Variants in TRO observed in about 807,000 individuals in gnomAD.
TRO encodes trophinin, also known as MAGE superfamily protein.
Under a neutral mutation model 42.3 loss-of-function variants are expected in TRO, and 29 were observed. That is an observed-to-expected ratio of 0.68 (90% CI 0.51 to 0.93). The LOEUF (loss-of-function observed/expected upper bound fraction) is 0.93, where lower values mean the gene tolerates loss of function less well. TRO is among the 40% of genes least tolerant of loss of function. The pLI is 0.00. For synonymous variants in TRO, 384 were observed against 425.2 expected (o/e 0.90, Z 1.19); for missense variants, 963 against 1,127.7 (o/e 0.85, Z 2.09).
In TRO at chrX:54,929,406, C is replaced by G. The variant is rs1932913178; in HGVS notation, c.2682C>G (p.Ser894Arg). ...GCACTGGCTTTGGAGGCATACTCAG[C>G]ACCAGTGTCTGTTTTGGTGGCTCTC... is the stretch of plus-strand genomic sequence containing the variant. ...STSTGFGGIL[S>R]TSVCFGGSPS... Residue 894 changes from serine to arginine, a missense_variant, in exon 12 of 13, where the codon AGC (serine) becomes AGG (arginine). Around this residue, in one of 2 missense-constraint regions of TRO, gnomAD observed 641 missense variants for 811.3 expected, o/e 0.79. Transcript: ENST00000173898. 1 of 1,211,075 alleles carries G rather than the reference C, an allele frequency of 8.3e-7. No homozygotes were observed. The highest frequency in any genetic ancestry group is 1.7e-5 in the African/African-American group (1 of 57,445).
At position 54,930,536 on chromosome X, in the gene TRO, G is replaced by A. The variant is rs375383483; in HGVS notation, c.3812G>A (p.Gly1271Asp). ...CTGGGCACCAGTGCTGGCTTCAGTG[G>A]CGGACTGGGCACCAGTGCTGGCTTT... ...GGLGTSAGFS[G>D]GLGTSAGFGG... The change falls in exon 12 of 13, where the codon GGC (glycine) becomes GAC (aspartate). Residue 1271 changes from glycine (G) to aspartate (D), a missense_variant. By Grantham distance (94) the Gly-to-Asp change is moderately conservative. This residue lies in a region of TRO where 641 missense variants were observed against 811.3 expected (regional missense o/e 0.79). Coordinates refer to ENST00000173898, the MANE Select transcript of TRO (RefSeq NM_001039705.3). 4 of 1,211,837 alleles carry A rather than the reference G, an allele frequency of 3.3e-6. No homozygotes were observed. Among genetic ancestry groups the A allele is most frequent in the Non-Finnish European group, 4.5e-6 (4 of 895,417 alleles).
chrX:54,928,201 T>G (rs1046722584), intron 11 of TRO, among the ~76,000 whole-genome samples: 1 of 111,541 alleles, frequency 9.0e-6, no homozygotes, highest in African/African-American at 3.3e-5. Flanking sequence ...TCTCTTCTTA[T>G]AAGGACACTA....
In TRO at chrX:54,930,849, T is replaced by G. The variant is rs369548468; in HGVS notation, c.4125T>G (p.Val1375=). The change falls in exon 12 of 13, where the codon GTT becomes GTG. Residue 1375 remains valine, a synonymous_variant. Coordinates refer to ENST00000173898, the MANE Select transcript of TRO (RefSeq NM_001039705.3). ...VGFSGGPSTG[V]GFCSGPSTSG... is the part of the protein sequence containing the mutation. ...TCAGCGGTGGACCAAGCACTGGTGTTGGCTTCTGCAGTGGACCAAGCACCA... is the reference window on the plus strand; with the variant it reads ...TCAGCGGTGGACCAAGCACTGGTGTGGGCTTCTGCAGTGGACCAAGCACCA... 30 of 1,209,788 alleles carry G rather than the reference T, an allele frequency of 2.5e-5. No individual in the cohort carries two copies. The African/African-American group carries it at 4.5e-4, about 18-fold the overall frequency.
chrX:54,925,970 G>A (rs1011085732), intron 7 of TRO, among the ~76,000 whole-genome samples: 3 of 111,971 alleles, frequency 2.7e-5, no homozygotes, highest in Non-Finnish European at 5.6e-5. Flanking sequence ...TGCCTCTTCC[G>A]ATGGAGTGCC....
intron 9 of TRO, 158 bp downstream of exon 9, chrX:54,926,783 G>A (rs1038917742): frequency 7.4e-6 from 6 of 809,171 alleles, no homozygotes; most frequent in African/African-American, 2.1e-5. Flanking sequence ...ACGGGCAAAT[G>A]GTCCTGAACT....
At chrX:54,927,829 C>T in intron 11 of TRO, 48 bp downstream of exon 11, 1 of 1,092,825 alleles carries the variant, frequency 9.2e-7, no homozygotes, top group Non-Finnish European at 1.3e-6. Flanking sequence ...AATGGGATAC[C>T]CTTGGCTGGG....
rs752148192 is a variant in TRO, at chrX:54,930,085, G to C, written c.3361G>C (p.Gly1121Arg). The change falls in exon 12 of 13, where the codon GGT becomes CGT. Residue 1121 changes from glycine (G) to arginine (R), a missense_variant. This residue lies in a region of TRO where 641 missense variants were observed against 811.3 expected (regional missense o/e 0.79). Coordinates refer to ENST00000173898, the MANE Select transcript of TRO (RefSeq NM_001039705.3). The part of the protein sequence containing the change: ...GALSTAADFG[G>R]TPSNSIGFGA... ...ACTTAGTACCGCTGCTGACTTCGGTGGTACTCCCAGCAACAGCATTGGCTT... is the reference window on the plus strand; with the variant it reads ...ACTTAGTACCGCTGCTGACTTCGGTCGTACTCCCAGCAACAGCATTGGCTT... 1.7e-6 allele frequency: 2 copies of C among 1,209,410 alleles called. No individual in the cohort carries two copies. Among genetic ancestry groups the C allele is most frequent in the Admixed American group, 2.2e-5 (1 of 45,843 alleles).
rs763510252 is a variant in TRO at position 54,925,680 on chromosome X, G to C, written c.1574G>C (p.Gly525Ala). The change falls in exon 7 of 13, where the codon GGA becomes GCA. Residue 525 changes from glycine (G) to alanine (A), a missense_variant. By Grantham distance (60) the Gly-to-Ala change is moderately conservative. Around this residue, in one of 2 missense-constraint regions of TRO, gnomAD observed 641 missense variants for 811.3 expected, o/e 0.79. Coordinates refer to ENST00000173898, the MANE Select transcript of TRO (RefSeq NM_001039705.3). Reference sequence around the variant, plus strand: ...CAGGAATCCTCTGCAGGCATACTGGGAACGTAAGCTGGGAAAGGGCTGGAG... The same window carrying C: ...CAGGAATCCTCTGCAGGCATACTGGCAACGTAAGCTGGGAAAGGGCTGGAG... ...STQESSAGIL[G>A]TTKDTPKLGL... The C allele has an allele frequency of 1.7e-5, 20 of 1,202,241 alleles. No homozygotes were observed. The South Asian group carries it at 2.8e-4, about 17-fold the overall frequency.
rs1328636728 is a variant in TRO at position 54,926,497 on chromosome X, G to A, written c.1657+8G>A. The A allele has an allele frequency of 2.5e-6, 3 of 1,210,464 alleles. No homozygotes were observed. The highest frequency in any genetic ancestry group is 3.4e-6 in the Non-Finnish European group (3 of 895,259). On this transcript the variant is annotated splice_region_variant and intron_variant, in intron 8 of 12. Coordinates refer to ENST00000173898, the MANE Select transcript of TRO (RefSeq NM_001039705.3). ...GCAACAAGGCCAGTGAGGGTGAGTG[G>A]CTGGGCATGCAGCTGAATGGGCGGC...
rs1932769765 is a variant in TRO at position 54,926,614 on chromosome X, G to A, written c.1689G>A (p.Gly563=). 1 of 1,210,049 alleles carries A rather than the reference G, an allele frequency of 8.3e-7. No homozygotes were observed. The highest frequency in any genetic ancestry group is 1.1e-6 in the Non-Finnish European group (1 of 895,318). The change falls in exon 9 of 13, where the codon GGG becomes GGA. Residue 563 remains glycine (G), a synonymous_variant. Coordinates refer to ENST00000173898, the MANE Select transcript of TRO (RefSeq NM_001039705.3). ...TCTGGGAGGTGCTGCGCAAGTTGGG[G>A]CTGCGCCCTGGGTATGACTGGGCTC... ...AVIWEVLRKL[G]LRPGVRHSLF...
chrX:54,924,122 A>G (rs1833103752), intron 3 of TRO, among the ~76,000 whole-genome samples: 2 of 112,242 alleles, frequency 1.8e-5, no homozygotes, highest in Admixed American at 1.9e-4. Context: ...TTTTACACTT[A>G]AGAAAACTGA....
At chrX:54,921,947 G>C (rs1015000208) in intron 1 of TRO, 3 of 267,195 alleles carry the variant, frequency 1.1e-5, no homozygotes, top group African/African-American at 5.6e-5. Flanking sequence ...CCTAAGATGG[G>C]GGGTGGGGGC....
intron 2 of TRO, 125 bp downstream of exon 2, chrX:54,922,416 A>G (rs1932193265): frequency 1.1e-6 from 1 of 939,387 alleles, no homozygotes; most frequent in Non-Finnish European, 1.5e-6. Context: ...CCTCCCTTAC[A>G]TGGTGAAGGA....
chrX:54,921,763 T>G (rs1764101670), intron 1 of TRO, among the ~76,000 whole-genome samples: 2 of 101,204 alleles, frequency 2.0e-5, no homozygotes, highest in Non-Finnish European at 2.0e-5. Flanking sequence ...GGGGGAAGGG[T>G]TGGATCGAGA....
chrX:54,925,776 G>A, intron 7 of TRO, 93 bp downstream of exon 7: 2 of 788,962 alleles, frequency 2.5e-6, no homozygotes, highest in East Asian at 3.4e-5. Flanking sequence ...TCCTCTTAGA[G>A]AGTCAGGAAA....
chrX:54,929,651 G>C lies in TRO; in HGVS notation c.2927G>C (p.Ser976Thr). ...GGCTTTGGTGGTGCTCTCAACACCA[G>C]TGCCAGCTTTGGCAGTGTGCTCAAC... ...GAGFGGALNT[S>T]ASFGSVLNTS... Residue 976 changes from serine (S) to threonine (T), a missense_variant, in exon 12 of 13, where the codon AGT (serine) becomes ACT (threonine). By Grantham distance (58) the Ser-to-Thr change is moderately conservative. This residue lies in a region of TRO where 641 missense variants were observed against 811.3 expected (regional missense o/e 0.79). Transcript: ENST00000173898. 1 of 1,207,608 alleles carries C rather than the reference G, an allele frequency of 8.3e-7. No homozygotes were observed. The highest frequency in any genetic ancestry group is 1.1e-6 in the Non-Finnish European group (1 of 894,014).
At position 54,930,186 on chromosome X, in the gene TRO, C is replaced by T; in HGVS notation, c.3462C>T (p.Ser1154=). 7 of 1,212,452 alleles carry T rather than the reference C, an allele frequency of 5.8e-6. No individual in the cohort carries two copies. Among genetic ancestry groups the T allele is most frequent in the Non-Finnish European group, 7.8e-6 (7 of 895,658 alleles). The change falls in exon 12 of 13, where the codon AGC becomes AGT. Residue 1154 remains serine, a synonymous_variant. Transcript: ENST00000173898. ...GTSLCFGGAP[S]TSLCFGSASN... ...GCCTCTGTTTTGGTGGAGCTCCCAG[C>T]ACCAGCCTCTGCTTTGGCAGTGCAT... is the stretch of plus-strand genomic sequence containing the variant.
intron 1 of TRO, among the ~76,000 whole-genome samples, chrX:54,921,718 G>C (rs939160144): frequency 9.9e-6 from 1 of 100,759 alleles, no homozygotes; most frequent in African/African-American, 3.7e-5. Context: ...GCGGTGCGGA[G>C]TGGTACTGCA....
At chrX:54,925,529 G>A (rs1932643857) in intron 6 of TRO, 63 bp from the exon 7 acceptor site, 11 of 1,033,952 alleles carry the variant, frequency 1.1e-5, no homozygotes, top group African/African-American at 9.4e-5. Context: ...TAGGATGCCC[G>A]GAAAGTTCAC....
Sources: allele counts gnomAD v4.1 joint callset (sites outside exome capture counted in the v4.1 genomes callset), GRCh38; gene constraint gnomAD v4.1.1; regional missense constraint gnomAD v4.1.1; transcripts MANE v1.5; gene names NCBI Gene and HGNC (gene_info 2026-07-23, HGNC 2026-07-21).